GRAMD1B: variants seen among roughly 807,000 people sequenced by gnomAD.
GRAMD1B encodes GRAM domain containing 1B.
Under a neutral mutation model 99.7 loss-of-function variants are expected in GRAMD1B, and 37 were observed. That is an observed-to-expected ratio of 0.37 (90% confidence interval 0.29 to 0.49). The LOEUF (loss-of-function observed/expected upper bound fraction) is 0.49. GRAMD1B is among the 20% of genes least tolerant of loss of function. GRAMD1B has a pLI of 0.98. For missense variants in GRAMD1B, 888 were observed against 1,009.2 expected, an observed-to-expected ratio of 0.88 and a Z score of 1.63; for synonymous variants, 427 against 387.6, an observed-to-expected ratio of 1.10 and a Z score of -1.19.
rs1050205835 is a variant in GRAMD1B, at chr11:123,512,530, G to A, written c.452+31637G>A. 4.6e-5 allele frequency among the ~76,000 whole-genome samples: 7 copies of A among 151,980 alleles called. No homozygotes were observed. In the South Asian group the frequency reaches 6.2e-4, roughly 14 times the overall value. On this transcript the variant is annotated intron_variant, in intron 2 of 19. Transcript: ENST00000635736. ...AGGTATAGCATCAGATGTTAGAGAC[G>A]AATCATTCCTTTTTTATTTTCTACA... is the stretch of plus-strand genomic sequence containing the variant.
intron 2 of GRAMD1B, among the ~76,000 whole-genome samples, chr11:123,499,725 A>G (rs1056652314): frequency 6.6e-6 from 1 of 152,090 alleles, no homozygotes; most frequent in Non-Finnish European, 1.5e-5. Flanking sequence ...GGGTGGGGAG[A>G]TGGGCTGTGG....
At chr11:123,427,663 C>G (rs1039157409), upstream of GRAMD1B, among the ~76,000 whole-genome samples, 2 of 152,112 alleles carry the variant, frequency 1.3e-5, no homozygotes, top group Admixed American at 1.3e-4. Flanking sequence ...AGGGTTTTAA[C>G]GGTCAAAAGG....
chr11:123,540,262 TATAGACGGA>T (rs770866286), intron 2 of GRAMD1B, among the ~76,000 whole-genome samples: 32 of 151,854 alleles, frequency 2.1e-4, no homozygotes, highest in South Asian at 1.0e-3. Flanking sequence ...GTATTTTTTG[TATAGACGGA>T]ATTTCACTGT....
chr11:123,383,211 T>G (rs770860356), intron 1 of GRAMD1B, among the ~76,000 whole-genome samples: 87 of 51,744 alleles, frequency 1.7e-3, no homozygotes, highest in African/African-American at 4.5e-3. Context: ...TCTTGCTCTC[T>G]CTCTCTCTCT....
At chr11:123,507,371 A>T (rs1162898281) in intron 2 of GRAMD1B, among the ~76,000 whole-genome samples, 1 of 152,226 alleles carries the variant, frequency 6.6e-6, no homozygotes, top group Non-Finnish European at 1.5e-5. Context: ...ACCATAGTCT[A>T]GGGCTTATAG....
chr11:123,531,193 A>G (rs1421960639), intron 2 of GRAMD1B, among the ~76,000 whole-genome samples: 3 of 152,202 alleles, frequency 2.0e-5, no homozygotes, highest in Non-Finnish European at 4.4e-5. Context: ...TGGGATGGGA[A>G]TTGGAGTTTT....
At chr11:123,476,051 T>C (rs1451455658) in intron 1 of GRAMD1B, among the ~76,000 whole-genome samples, 1 of 151,954 alleles carries the variant, frequency 6.6e-6, no homozygotes, top group African/African-American at 2.4e-5. Context: ...TGCTCAACAA[T>C]ATTATTTCAT....
intron 1 of GRAMD1B, among the ~76,000 whole-genome samples, chr11:123,373,773 G>A (rs192524301): frequency 2.2e-3 from 328 of 152,290 alleles, no homozygotes; most frequent in African/African-American, 7.7e-3. Context: ...CCTAGAATAG[G>A]AGTTAATGAA....
At chr11:123,440,119 C>T (rs1219630761) in intron 1 of GRAMD1B, among the ~76,000 whole-genome samples, 2 of 152,130 alleles carry the variant, frequency 1.3e-5, no homozygotes, top group Admixed American at 1.3e-4. Flanking sequence ...TTGAGACTCT[C>T]CAAGAGTCTT....
chr11:123,411,293 C>T (rs1329748382), intron 1 of GRAMD1B, among the ~76,000 whole-genome samples: 3 of 152,188 alleles, frequency 2.0e-5, no homozygotes, highest in Non-Finnish European at 1.5e-5. Flanking sequence ...TGTGAGCCAC[C>T]GCACCCGGCA....
intron 1 of GRAMD1B, among the ~76,000 whole-genome samples, chr11:123,475,036 A>T (rs1441913534): frequency 6.6e-6 from 1 of 152,100 alleles, no homozygotes; most frequent in Non-Finnish European, 1.5e-5. Context: ...GTTTCTCCCT[A>T]GGAAGCACCT....
chr11:123,555,880 C>G (rs775579594), intron 2 of GRAMD1B, among the ~76,000 whole-genome samples: 6 of 151,922 alleles, frequency 3.9e-5, no homozygotes, highest in Non-Finnish European at 7.4e-5. Flanking sequence ...ATTATAGGCG[C>G]CCACCACCAC....
At chr11:123,580,885 C>A (rs1949282195) in intron 3 of GRAMD1B, among the ~76,000 whole-genome samples, 1 of 151,684 alleles carries the variant, frequency 6.6e-6, no homozygotes, top group Non-Finnish European at 1.5e-5. Flanking sequence ...GTGGCACTGA[C>A]CCTTCTTTGA....
intron 1 of GRAMD1B, among the ~76,000 whole-genome samples, chr11:123,462,890 T>TAAA (rs55643501): frequency 0.24 from 29,400 of 122,520 alleles, 3,752 homozygotes; most frequent in African/African-American, 0.3. Flanking sequence ...AAAAAATAAA[T>TAAA]TAAAAAAAAA....
At chr11:123,372,877 T>A (rs1016752415) in intron 1 of GRAMD1B, among the ~76,000 whole-genome samples, 1 of 152,186 alleles carries the variant, frequency 6.6e-6, no homozygotes, top group African/African-American at 2.4e-5. Flanking sequence ...CAGTGGCTCA[T>A]GCCTGTAATC....
At chr11:123,505,312 G>A (rs572402148) in intron 2 of GRAMD1B, among the ~76,000 whole-genome samples, 14 of 152,092 alleles carry the variant, frequency 9.2e-5, no homozygotes, top group Admixed American at 5.2e-4. Flanking sequence ...GATTATAGAC[G>A]CGAGCCATCA....
intron 2 of GRAMD1B, among the ~76,000 whole-genome samples, chr11:123,564,085 G>T (rs1178776120): frequency 6.6e-6 from 1 of 152,216 alleles, no homozygotes; most frequent in East Asian, 1.9e-4. Flanking sequence ...GATATGAGGG[G>T]CAGGACATGT....
At chr11:123,503,784 T>C (rs1940141299) in intron 2 of GRAMD1B, among the ~76,000 whole-genome samples, 1 of 152,188 alleles carries the variant, frequency 6.6e-6, no homozygotes. Flanking sequence ...TGACCTCAGG[T>C]GATCTGCCCT....
intron 4 of GRAMD1B, among the ~76,000 whole-genome samples, chr11:123,593,365 T>TGGG (rs374115928): frequency 6.6e-6 from 1 of 151,970 alleles, no homozygotes. Flanking sequence ...CATGTTGCAG[T>TGGG]GGGGGGAAGT....
Sources: allele counts gnomAD v4.1 joint callset (sites outside exome capture counted in the v4.1 genomes callset), GRCh38; gene constraint gnomAD v4.1.1; transcripts MANE v1.5; gene names NCBI Gene and HGNC (gene_info 2026-07-23, HGNC 2026-07-21).